Variants in SEMA6D observed in about 807,000 individuals in gnomAD.
SEMA6D encodes semaphorin 6D.
Under a neutral mutation model 106.6 loss-of-function variants are expected in SEMA6D, and 35 were observed. That is an observed-to-expected ratio of 0.33 (90% CI 0.25 to 0.44). The LOEUF (loss-of-function observed/expected upper bound fraction) is 0.44. Among genes scored for constraint, SEMA6D ranks in the 20% least tolerant of loss-of-function variants. The pLI, the probability that SEMA6D is intolerant of heterozygous loss-of-function variation, is 1.00. For synonymous variants in SEMA6D, 499 were observed against 487.7 expected, an observed-to-expected ratio of 1.02 and a Z score of -0.31; for missense variants, 1,185 against 1,345.9, an observed-to-expected ratio of 0.88 and a Z score of 1.87.
chr15:47,394,806 G>A (rs1056601964), intron 1 of SEMA6D, among the ~76,000 whole-genome samples: 17 of 152,156 alleles, frequency 1.1e-4, no homozygotes, highest in South Asian at 2.1e-4. Context: ...ACCGCCACAC[G>A]TGCAAATTAC....
At chr15:47,677,559 C>A (rs909347934) in intron 4 of SEMA6D, among the ~76,000 whole-genome samples, 72 of 152,190 alleles carry the variant, frequency 4.7e-4, no homozygotes, top group African/African-American at 1.6e-3. Flanking sequence ...GACAGTGTTA[C>A]AAATATCTTT....
chr15:47,198,574 G>A (rs1008730553), intron 1 of SEMA6D, among the ~76,000 whole-genome samples: 5 of 152,146 alleles, frequency 3.3e-5, no homozygotes, highest in Admixed American at 3.3e-4. Flanking sequence ...CTGCTTAGAA[G>A]GGCTCCTGTG....
At chr15:47,326,816 C>T (rs2037152440) in intron 1 of SEMA6D, among the ~76,000 whole-genome samples, 1 of 152,170 alleles carries the variant, frequency 6.6e-6, no homozygotes, top group African/African-American at 2.4e-5. Flanking sequence ...GTTTGCTCCC[C>T]TCCCCACCAA....
At chr15:47,325,159 GTTTTTTTT>G (rs35598744) in intron 1 of SEMA6D, among the ~76,000 whole-genome samples, 1 of 149,126 alleles carries the variant, frequency 6.7e-6, no homozygotes, top group Non-Finnish European at 1.5e-5. Flanking sequence ...AGGGTGAAGC[GTTTTTTTT>G]TTGTTTTTTG....
chr15:47,404,825 A>G (rs1208761854), intron 1 of SEMA6D, among the ~76,000 whole-genome samples: 1 of 152,144 alleles, frequency 6.6e-6, no homozygotes, highest in Non-Finnish European at 1.5e-5. Context: ...TATTTTGCTC[A>G]GTGTAAAGGA....
At chr15:47,672,040 C>A (rs1041049405) in intron 4 of SEMA6D, among the ~76,000 whole-genome samples, 3 of 152,174 alleles carry the variant, frequency 2.0e-5, no homozygotes, top group Non-Finnish European at 4.4e-5. Flanking sequence ...TCTATGAACT[C>A]ATGGAAGACT....
At chr15:47,245,848 G>T (rs2033165047) in intron 1 of SEMA6D, among the ~76,000 whole-genome samples, 2 of 151,882 alleles carry the variant, frequency 1.3e-5, no homozygotes, top group South Asian at 4.2e-4. Flanking sequence ...TATCCATCAA[G>T]AAAAAAAATT....
chr15:47,644,158 G>A (rs186348080), intron 4 of SEMA6D, among the ~76,000 whole-genome samples: 1 of 152,086 alleles, frequency 6.6e-6, no homozygotes, highest in Non-Finnish European at 1.5e-5. Context: ...CAAAGTGTGT[G>A]CACCATTCTT....
intron 3 of SEMA6D, among the ~76,000 whole-genome samples, chr15:47,488,611 T>C (rs2141395106): frequency 6.6e-6 from 1 of 152,324 alleles, no homozygotes; most frequent in Non-Finnish European, 1.5e-5. Context: ...GTAGGATGAC[T>C]TTTGATTTGA....
intron 2 of SEMA6D, among the ~76,000 whole-genome samples, chr15:47,413,839 A>G (rs190928033): frequency 3.7e-4 from 56 of 152,268 alleles, no homozygotes; most frequent in Admixed American, 8.5e-4. Context: ...CTTATAGCAG[A>G]TCCATGGTGC....
chr15:47,229,389 T>G (rs902019423), intron 1 of SEMA6D, among the ~76,000 whole-genome samples: 4 of 151,976 alleles, frequency 2.6e-5, no homozygotes, highest in Non-Finnish European at 4.4e-5. Flanking sequence ...CCATGTGGTC[T>G]TAAAAAAATG....
At chr15:47,361,280 CAGTCAAAATGGACAT>C (rs1208393804) in intron 1 of SEMA6D, among the ~76,000 whole-genome samples, 3 of 152,204 alleles carry the variant, frequency 2.0e-5, no homozygotes, top group African/African-American at 7.2e-5. Flanking sequence ...TGGTTTCATT[CAGTCAAAATGGACAT>C]ATCCCCTTGA....
At chr15:47,645,567 A>T (rs920771502) in intron 4 of SEMA6D, among the ~76,000 whole-genome samples, 2 of 151,738 alleles carry the variant, frequency 1.3e-5, no homozygotes, top group Admixed American at 6.6e-5. Context: ...CTGACACCAA[A>T]TGTGTGGGGG....
intron 1 of SEMA6D, among the ~76,000 whole-genome samples, chr15:47,374,630 C>T (rs1016356165): frequency 4.1e-4 from 63 of 152,212 alleles, no homozygotes; most frequent in African/African-American, 1.4e-3. Context: ...ATATGAGGCC[C>T]ACTGCATTAA....
chr15:47,280,380 T>G (rs900704950), intron 1 of SEMA6D, among the ~76,000 whole-genome samples: 8 of 151,570 alleles, frequency 5.3e-5, no homozygotes, highest in African/African-American at 1.9e-4. Context: ...GATATCCTCT[T>G]TATCATTTTT....
chr15:47,662,641 G>T (rs1340765340), intron 4 of SEMA6D, among the ~76,000 whole-genome samples: 2 of 152,060 alleles, frequency 1.3e-5, no homozygotes, highest in African/African-American at 4.8e-5. Context: ...ATCATTTGTT[G>T]GGAGTTTATT....
intron 1 of SEMA6D, among the ~76,000 whole-genome samples, chr15:47,743,901 T>C (rs1197781899): frequency 6.6e-6 from 1 of 152,152 alleles, no homozygotes; most frequent in Non-Finnish European, 1.5e-5. Flanking sequence ...TTTTTGTCAA[T>C]GCAAATCCAT....
At chr15:47,438,337 G>C (rs1294511966) in intron 2 of SEMA6D, among the ~76,000 whole-genome samples, 2 of 151,894 alleles carry the variant, frequency 1.3e-5, no homozygotes, top group Non-Finnish European at 2.9e-5. Flanking sequence ...TGATCTCCTA[G>C]AACCCATCTC....
At chr15:47,595,088 A>G (rs2076509519) in intron 3 of SEMA6D, among the ~76,000 whole-genome samples, 2 of 152,188 alleles carry the variant, frequency 1.3e-5, no homozygotes, top group Non-Finnish European at 2.9e-5. Context: ...TGTGACCTTC[A>G]TTGCAGAGTT....
Sources: allele counts gnomAD v4.1 joint callset (sites outside exome capture counted in the v4.1 genomes callset), GRCh38; gene constraint gnomAD v4.1.1; transcripts MANE v1.5; gene names NCBI Gene and HGNC (gene_info 2026-07-23, HGNC 2026-07-21).